LMO7: variants seen among roughly 807,000 people sequenced by gnomAD.
LMO7 encodes the protein LIM domain 7.
In LMO7, 120 loss-of-function variants were observed where a neutral mutation model predicts 206.5. The ratio of observed to expected loss-of-function variants is 0.58; its 90% CI spans 0.50 to 0.68. The LOEUF is 0.68. LMO7 is among the 30% of genes least tolerant of loss of function. The probability of loss-of-function intolerance (pLI) is 0.00; values close to 1 mark genes in which losing one functional copy is unlikely to be tolerated. For missense variants in LMO7, 1,959 were observed against 1,957.9 expected (o/e 1.00, Z -0.01); for synonymous variants, 706 against 681.5 (o/e 1.04, Z -0.56).
chr13:75,670,359 G>C (rs1268782941), intron 1 of LMO7, among the ~76,000 whole-genome samples: 1 of 152,062 alleles, frequency 6.6e-6, no homozygotes, highest in East Asian at 1.9e-4. Flanking sequence ...ACTAAATGAT[G>C]GGGATACCCT....
intron 1 of LMO7, among the ~76,000 whole-genome samples, chr13:75,705,163 C>T (rs1026810449): frequency 3.3e-5 from 5 of 152,154 alleles, no homozygotes; most frequent in African/African-American, 9.7e-5. Flanking sequence ...TCACACTTGG[C>T]GCAGTCGCTT....
At chr13:75,639,288 TATTTC>T (rs1208235028) in intron 1 of LMO7, among the ~76,000 whole-genome samples, 1 of 152,218 alleles carries the variant, frequency 6.6e-6, no homozygotes, top group East Asian at 1.9e-4. Flanking sequence ...TGTTTTTACT[TATTTC>T]AAATTGTACT....
intron 1 of LMO7, among the ~76,000 whole-genome samples, chr13:75,685,409 C>T (rs1005005287): frequency 1.3e-5 from 2 of 152,140 alleles, no homozygotes; most frequent in Non-Finnish European, 2.9e-5. Flanking sequence ...CCTCATCCCA[C>T]GCTTTTGTCT....
At chr13:75,765,972 T>G (rs1229367796) in intron 4 of LMO7, among the ~76,000 whole-genome samples, 4 of 152,134 alleles carry the variant, frequency 2.6e-5, no homozygotes, top group Admixed American at 6.6e-5. Flanking sequence ...CGATCCTATC[T>G]TATGTTCATT....
chr13:75,620,558 G>T (rs745716163), exon 1 of LMO7: 2 of 152,102 alleles, frequency 1.3e-5, no homozygotes, highest in Non-Finnish European at 2.9e-5. Context: ...GGTAGGTGAG[G>T]TCTGAGATTG....
intron 14 of LMO7, 107 bp downstream of exon 14, chr13:75,821,716 A>C: frequency 1.5e-6 from 1 of 666,856 alleles, no homozygotes. Context: ...TGTACATAAC[A>C]TATATAAGGA....
chr13:75,715,697 C>A (rs2043478609), intron 2 of LMO7, among the ~76,000 whole-genome samples: 1 of 152,192 alleles, frequency 6.6e-6, no homozygotes, highest in South Asian at 2.1e-4. Context: ...CATCTAAAAG[C>A]TGTGGTGTTA....
At chr13:75,749,243 A>G (rs1027592955) in intron 3 of LMO7, among the ~76,000 whole-genome samples, 1 of 152,186 alleles carries the variant, frequency 6.6e-6, no homozygotes, top group African/African-American at 2.4e-5. Flanking sequence ...GTTTTACCAC[A>G]TAGTGTTCCT....
At chr13:75,624,094 A>T (rs1345826577) in intron 2 of LMO7, among the ~76,000 whole-genome samples, 2 of 152,046 alleles carry the variant, frequency 1.3e-5, no homozygotes, top group Non-Finnish European at 2.9e-5. Context: ...CTGAATTCTC[A>T]ATTTCTATTT....
At chr13:75,714,049 T>A (rs1427065850) in intron 2 of LMO7, among the ~76,000 whole-genome samples, 4 of 151,944 alleles carry the variant, frequency 2.6e-5, no homozygotes, top group Non-Finnish European at 4.4e-5. Context: ...ATCTAGACAC[T>A]TATCGCACAG....
chr13:75,824,932 G>A (rs2138565843), intron 15 of LMO7, among the ~76,000 whole-genome samples: 1 of 152,098 alleles, frequency 6.6e-6, no homozygotes, highest in South Asian at 2.1e-4. Context: ...ATTTGTATGG[G>A]AAAACTTAAA....
chr13:75,645,022 G>A (rs2036888522), intron 1 of LMO7, among the ~76,000 whole-genome samples: 1 of 152,126 alleles, frequency 6.6e-6, no homozygotes, highest in Non-Finnish European at 1.5e-5. Context: ...CATTTAAAGT[G>A]TTAAAAAAGG....
At chr13:75,772,436 A>G (rs963741351) in intron 4 of LMO7, among the ~76,000 whole-genome samples, 4 of 152,108 alleles carry the variant, frequency 2.6e-5, no homozygotes, top group South Asian at 4.1e-4. Flanking sequence ...GAGAATAGAA[A>G]GAAATTGTTT....
chr13:75,717,362 CA>C (rs55749528), intron 2 of LMO7, among the ~76,000 whole-genome samples: 44,484 of 90,772 alleles, frequency 0.49, 7,698 homozygotes, highest in East Asian at 0.58. Flanking sequence ...GACTCCGTCT[CA>C]AAAAAAAAAA....
chr13:75,680,184 T>A (rs939438184), intron 1 of LMO7, among the ~76,000 whole-genome samples: 5 of 152,222 alleles, frequency 3.3e-5, no homozygotes, highest in Admixed American at 6.5e-5. Flanking sequence ...TTGCTGAGGA[T>A]AATGGCTTCC....
intron 2 of LMO7, among the ~76,000 whole-genome samples, chr13:75,626,595 A>ATATATTTT: frequency 1.4e-5 from 1 of 71,184 alleles, no homozygotes; most frequent in African/African-American, 3.6e-5. Flanking sequence ...ATATATATAA[A>ATATATTTT]TTTTTTTGAG....
chr13:75,823,100 T>C (rs2057766833), intron 14 of LMO7, among the ~76,000 whole-genome samples: 1 of 152,026 alleles, frequency 6.6e-6, no homozygotes, highest in Non-Finnish European at 1.5e-5. Context: ...CTTTTGGCTC[T>C]CAGTTAAGGG....
upstream of LMO7, chr13:75,631,873 C>T (rs567224255): frequency 3.9e-5 from 6 of 152,236 alleles, no homozygotes; most frequent in South Asian, 2.1e-4. Context: ...CTGTGTCTAC[C>T]GCCGTTACTC....
chr13:75,664,776 TCTTA>T (rs1286232938), intron 1 of LMO7, among the ~76,000 whole-genome samples: 1 of 152,220 alleles, frequency 6.6e-6, no homozygotes, highest in Non-Finnish European at 1.5e-5. Flanking sequence ...GAGTTTGGCT[TCTTA>T]CTTACTAGAA....
Sources: allele counts gnomAD v4.1 joint callset (sites outside exome capture counted in the v4.1 genomes callset), GRCh38; gene constraint gnomAD v4.1.1; transcripts MANE v1.5; gene names NCBI Gene and HGNC (gene_info 2026-07-23, HGNC 2026-07-21).